The following EDRF1 variants were observed in gnomAD, a reference collection of about 807,000 sequenced individuals.
EDRF1 encodes erythroid differentiation regulatory factor 1.
In EDRF1, 69 loss-of-function variants were observed where a neutral mutation model predicts 148.7. The observed-to-expected ratio is 0.46, with a 90% CI of 0.38 to 0.57. The LOEUF is 0.57. Ranked by LOEUF, EDRF1 falls within the 20% of genes least tolerant of loss-of-function variation. The pLI is 0.00. For synonymous variants in EDRF1, 515 were observed against 532.8 expected, an observed-to-expected ratio of 0.97 and a Z score of 0.46; for missense variants, 1,118 against 1,478.7, an observed-to-expected ratio of 0.76 and a Z score of 4.00.
At chr10:125,736,609 G>A (rs140293071) in intron 13 of EDRF1, among the ~76,000 whole-genome samples, 5 of 152,210 alleles carry the variant, frequency 3.3e-5, no homozygotes, top group African/African-American at 7.2e-5. Flanking sequence ...GAAACTCTAA[G>A]CAAGTTTTTG....
intron 9 of EDRF1, among the ~76,000 whole-genome samples, chr10:125,732,443 T>A (rs1370766948): frequency 1.3e-5 from 2 of 152,184 alleles, no homozygotes; most frequent in African/African-American, 4.8e-5. Context: ...GTGAGCATTT[T>A]GAAGTTGCAG....
intron 18 of EDRF1, among the ~76,000 whole-genome samples, chr10:125,743,650 T>C (rs1196455886): frequency 6.6e-6 from 1 of 152,092 alleles, no homozygotes; most frequent in Non-Finnish European, 1.5e-5. Flanking sequence ...ACCGACGAAG[T>C]ATAATGGGAG....
chr10:125,753,139 C>G (rs907992086), intron 23 of EDRF1, among the ~76,000 whole-genome samples: 1 of 152,210 alleles, frequency 6.6e-6, no homozygotes, highest in Non-Finnish European at 1.5e-5. Context: ...TATATCTCAA[C>G]AAGACCATAG....
chr10:125,757,145 A>AT, intron 24 of EDRF1: 1 of 342,020 alleles, frequency 2.9e-6, no homozygotes, highest in Non-Finnish European at 5.6e-6. Flanking sequence ...CAGTCTTACA[A>AT]TTGGTGTCTC....
intron 22 of EDRF1, among the ~76,000 whole-genome samples, chr10:125,751,022 A>T (rs1849609568): frequency 6.6e-6 from 1 of 152,102 alleles, no homozygotes; most frequent in Admixed American, 6.5e-5. Context: ...TGGCATGGTC[A>T]TGGCTCACTG....
In EDRF1 at chr10:125,763,802, A is replaced by G. The variant is rs887429352; in HGVS notation, c.*330A>G. 1 of 345,264 alleles carries G rather than the reference A, an allele frequency of 2.9e-6. No individual in the cohort carries two copies. The highest frequency in any genetic ancestry group is 4.6e-5 in the Admixed American group (1 of 21,656). The allele number at this position is 345,264 out of a possible 1,614,324, so 21.4% of individuals were successfully genotyped here. On this transcript the variant is annotated 3_prime_UTR_variant, in exon 25 of 25. Coordinates refer to ENST00000356792, the MANE Select transcript of EDRF1 (RefSeq NM_001202438.2). The surrounding 1 kb of genome is among the most constrained non-coding windows in gnomAD (Gnocchi z 4.3). Reference sequence around the variant, plus strand: ...ATGTCAAGCTACACGGGTCTAAGATATGATTATTTTGGATAAAATGTTACT... The same window carrying G: ...ATGTCAAGCTACACGGGTCTAAGATGTGATTATTTTGGATAAAATGTTACT...
chr10:125,745,055 G>T (rs1029798577), intron 18 of EDRF1, among the ~76,000 whole-genome samples: 1 of 152,192 alleles, frequency 6.6e-6, no homozygotes, highest in Non-Finnish European at 1.5e-5. Flanking sequence ...AACCCAGACA[G>T]CTACTAAGTG....
chr10:125,747,217 T>C, intron 19 of EDRF1: 1 of 281,566 alleles, frequency 3.6e-6, no homozygotes, highest in Non-Finnish European at 6.7e-6. Flanking sequence ...ACTGTAATTT[T>C]CATTTAGAAA....
At chr10:125,751,666 A>G (rs1273076743) in intron 22 of EDRF1, among the ~76,000 whole-genome samples, 1 of 152,216 alleles carries the variant, frequency 6.6e-6, no homozygotes, top group Admixed American at 6.5e-5. Flanking sequence ...CCCCAAGACC[A>G]TTGTCACTTC....
chr10:125,741,445 G>T, intron 17 of EDRF1: 1 of 487,634 alleles, frequency 2.1e-6, no homozygotes, highest in South Asian at 1.7e-5. Flanking sequence ...AGCCTCCCAA[G>T]TAGCTGGAAT....
At chr10:125,738,559 A>C (rs1848851590) in intron 15 of EDRF1, 114 bp downstream of exon 15, 3 of 1,291,550 alleles carry the variant, frequency 2.3e-6, no homozygotes, top group African/African-American at 1.5e-5. Flanking sequence ...AGAAAAAGAT[A>C]TCCTGTGAAC....
At position 125,723,958 on chromosome 10, in the gene EDRF1, C is replaced by G. The variant is rs1418186455; in HGVS notation, c.510+22C>G. On this transcript the variant is annotated intron_variant, in intron 4 of 24. Coordinates refer to ENST00000356792, the MANE Select transcript of EDRF1 (RefSeq NM_001202438.2). ...TCAGGTAATGCTTTTGTGAAAAAAT[C>G]CAACAAAACATTAACAGCTTAAGAG... is the stretch of plus-strand genomic sequence containing the variant. The G allele has an allele frequency of 1.9e-6, 3 of 1,611,802 alleles. No individual in the cohort carries two copies. The East Asian group carries it at 6.7e-5, about 36-fold the overall frequency.
chr10:125,726,797 A>T (rs554532360), intron 6 of EDRF1, among the ~76,000 whole-genome samples: 37 of 152,382 alleles, frequency 2.4e-4, no homozygotes, highest in African/African-American at 8.7e-4. Flanking sequence ...CAAGTCACAT[A>T]GTGGTAACAA....
chr10:125,742,241 A>G, intron 17 of EDRF1: 1 of 1,289,390 alleles, frequency 7.8e-7, no homozygotes, highest in Non-Finnish European at 1.0e-6. Flanking sequence ...GGGAAGTAGA[A>G]TAATCTGATC....
intron 24 of EDRF1, among the ~76,000 whole-genome samples, chr10:125,762,527 G>A (rs939528307): frequency 2.6e-5 from 4 of 151,494 alleles, no homozygotes; most frequent in Non-Finnish European, 5.9e-5. Context: ...GAACTGCCAC[G>A]TAATTACTAG....
At chr10:125,742,354 G>A (rs1326300037) in intron 17 of EDRF1, 6 of 1,244,314 alleles carry the variant, frequency 4.8e-6, no homozygotes, top group African/African-American at 1.6e-5. Context: ...AGGTGCTTCT[G>A]TAATGTCTCA....
In EDRF1 at chr10:125,743,286, T is replaced by G; in HGVS notation, c.2590+10T>G. Reference sequence around the variant, plus strand: ...CAGAGTGAGAGACTAGGTGAGTATCTCTTTAGATTCCTCTCTATTGCTTGT... The same window carrying G: ...CAGAGTGAGAGACTAGGTGAGTATCGCTTTAGATTCCTCTCTATTGCTTGT... On this transcript the variant is annotated intron_variant, in intron 18 of 24. Coordinates refer to ENST00000356792, the MANE Select transcript of EDRF1 (RefSeq NM_001202438.2). The G allele has an allele frequency of 6.2e-7, 1 of 1,604,412 alleles. No homozygotes were observed. Among genetic ancestry groups the G allele is most frequent in the Non-Finnish European group, 8.5e-7 (1 of 1,171,618 alleles).
At chr10:125,746,206 A>T (rs1454802264) in intron 19 of EDRF1, among the ~76,000 whole-genome samples, 2 of 152,254 alleles carry the variant, frequency 1.3e-5, no homozygotes, top group African/African-American at 4.8e-5. Flanking sequence ...GACATGGAGA[A>T]AGTGAAACTG....
chr10:125,754,215 CA>C (rs60189890), intron 24 of EDRF1, among the ~76,000 whole-genome samples: 3,330 of 93,300 alleles, frequency 0.036, 82 homozygotes, highest in African/African-American at 0.1. Flanking sequence ...GACACCATCT[CA>C]AAAAAAAAAA....
Sources: allele counts gnomAD v4.1 joint callset (sites outside exome capture counted in the v4.1 genomes callset), GRCh38; gene constraint gnomAD v4.1.1; non-coding constraint Gnocchi (gnomAD v3.1); transcripts MANE v1.5; gene names NCBI Gene and HGNC (gene_info 2026-07-23, HGNC 2026-07-21).